The following ELAPOR1 variants were observed in gnomAD, a reference collection of about 807,000 sequenced individuals.
ELAPOR1 encodes endosome/lysosome-associated apoptosis and autophagy regulator 1.
In ELAPOR1, 77 loss-of-function variants were observed where a neutral mutation model predicts 119.7. The ratio of observed to expected loss-of-function variants is 0.64; its 90% CI spans 0.54 to 0.78. ELAPOR1 has a LOEUF of 0.78. Among genes scored for constraint, ELAPOR1 ranks in the 30% least tolerant of loss-of-function variants. The pLI is 0.00. For missense variants in ELAPOR1, 1,115 were observed against 1,270.4 expected (o/e 0.88, Z 1.86); for synonymous variants, 481 against 487.2 (o/e 0.99, Z 0.17).
chr1:109,144,059 A>ATTTTTTTTTT (rs1243626258), intron 1 of ELAPOR1, among the ~76,000 whole-genome samples: 4 of 34,426 alleles, frequency 1.2e-4, no homozygotes, highest in African/African-American at 1.5e-4. Flanking sequence ...ATATATTTAT[A>ATTTTTTTTTT]TATTTTTTTT....
At chr1:109,129,781 T>G (rs1378208899) in intron 1 of ELAPOR1, among the ~76,000 whole-genome samples, 1 of 152,214 alleles carries the variant, frequency 6.6e-6, no homozygotes, top group East Asian at 1.9e-4. Flanking sequence ...CCTATTTAAT[T>G]TGAAGGACCA....
chr1:109,138,359 T>A (rs911638063), intron 1 of ELAPOR1, among the ~76,000 whole-genome samples: 1 of 152,108 alleles, frequency 6.6e-6, no homozygotes, highest in East Asian at 1.9e-4. Context: ...TTCACAAACG[T>A]GATACAGATA....
intron 21 of ELAPOR1, among the ~76,000 whole-genome samples, 189 bp downstream of exon 21, chr1:109,201,089 C>T (rs538700157): frequency 2.6e-4 from 39 of 152,326 alleles, no homozygotes; most frequent in African/African-American, 9.4e-4. Flanking sequence ...CTCTTTCCCC[C>T]GGGGCCCAAG....
chr1:109,143,631 T>C (rs1649967281), intron 1 of ELAPOR1, among the ~76,000 whole-genome samples: 1 of 152,216 alleles, frequency 6.6e-6, no homozygotes, highest in South Asian at 2.1e-4. Context: ...TATCTCAATT[T>C]TTAAATAAAT....
rs771227144 is a variant in ELAPOR1, at chr1:109,200,850, T to C, written c.2923T>C (p.Phe975Leu). The C allele has an allele frequency of 6.2e-7, 1 of 1,614,214 alleles. No individual in the cohort carries two copies. Among genetic ancestry groups the C allele is most frequent in the Non-Finnish European group, 8.5e-7 (1 of 1,180,040 alleles). Reference protein sequence around the residue: ...EGEDVEDDLIFTSKKSLFGKI... With the variant: ...EGEDVEDDLILTSKKSLFGKI... ...CGAGGATGTAGAGGACGACCTCATC[T>C]TTACCAGCAAGAAGTCACTCTTTGG... Residue 975 changes from phenylalanine to leucine, a missense_variant, in exon 21 of 22, where the codon TTT becomes CTT. Transcript: ENST00000369939.
At chr1:109,133,601 A>G (rs1004326791) in intron 1 of ELAPOR1, among the ~76,000 whole-genome samples, 3 of 152,348 alleles carry the variant, frequency 2.0e-5, no homozygotes, top group South Asian at 2.1e-4. Context: ...TATGGGATCA[A>G]TGATTATTAT....
intron 1 of ELAPOR1, among the ~76,000 whole-genome samples, chr1:109,161,359 A>G (rs1332592946): frequency 3.3e-5 from 5 of 151,016 alleles, no homozygotes; most frequent in African/African-American, 1.2e-4. Context: ...ACGGTGAGCC[A>G]AGATCATCCC....
At chr1:109,166,017 G>A (rs541137483) in intron 3 of ELAPOR1, among the ~76,000 whole-genome samples, 3 of 151,998 alleles carry the variant, frequency 2.0e-5, no homozygotes, top group South Asian at 2.1e-4. Flanking sequence ...CCGGGTTGAC[G>A]CCATTCTCCT....
intron 13 of ELAPOR1, 145 bp from the exon 14 acceptor site, chr1:109,192,462 GGTAA>G (rs1653498510): frequency 3.7e-6 from 3 of 810,886 alleles, no homozygotes; most frequent in Non-Finnish European, 6.0e-6. Context: ...AAGAGCTACT[GGTAA>G]GTGAGTAAAA....
At chr1:109,179,253 T>C (rs1336716060) in intron 7 of ELAPOR1, among the ~76,000 whole-genome samples, 1 of 151,090 alleles carries the variant, frequency 6.6e-6, no homozygotes, top group African/African-American at 2.4e-5. Context: ...ATTCAAAAAA[T>C]TGGCCGGGCA....
At chr1:109,190,478 A>C (rs1267321796) in intron 11 of ELAPOR1, among the ~76,000 whole-genome samples, 2 of 152,210 alleles carry the variant, frequency 1.3e-5, no homozygotes, top group African/African-American at 4.8e-5. Flanking sequence ...TGTGCTCTAA[A>C]GATAAGAAGC....
intron 8 of ELAPOR1, chr1:109,186,892 A>G (rs778612600): frequency 1.0e-5 from 10 of 985,332 alleles, no homozygotes; most frequent in African/African-American, 1.7e-5. Flanking sequence ...GGGCCTTTAG[A>G]TGCTGGGTCA....
At chr1:109,114,831 GGAT>G (rs1647883399) in intron 1 of ELAPOR1, among the ~76,000 whole-genome samples, 1 of 152,120 alleles carries the variant, frequency 6.6e-6, no homozygotes, top group African/African-American at 2.4e-5. Flanking sequence ...TGTGCGAGAG[GGAT>G]GATAGGATTC....
intron 2 of ELAPOR1, among the ~76,000 whole-genome samples, chr1:109,162,645 A>G (rs965041630): frequency 5.9e-5 from 9 of 152,256 alleles, no homozygotes; most frequent in African/African-American, 2.2e-4. Flanking sequence ...AAGAAAAACC[A>G]GGCACTAGAT....
chr1:109,199,752 G>A, intron 18 of ELAPOR1, 102 bp from the exon 19 acceptor site: 1 of 1,375,114 alleles, frequency 7.3e-7, no homozygotes, highest in Non-Finnish European at 1.0e-6. Flanking sequence ...GTTTGGGCAG[G>A]GAGAGGGTAA....
At chr1:109,173,404 A>C in intron 5 of ELAPOR1, 70 bp from the exon 6 acceptor site, 12 of 1,276,348 alleles carry the variant, frequency 9.4e-6, no homozygotes, top group South Asian at 1.2e-5. Context: ...CATCCCAACA[A>C]GAGGCTATAC....
At chr1:109,176,106 A>G (rs1015941826) in intron 7 of ELAPOR1, among the ~76,000 whole-genome samples, 4 of 152,146 alleles carry the variant, frequency 2.6e-5, no homozygotes, top group Non-Finnish European at 4.4e-5. Context: ...AGGGAAAGTA[A>G]GGGGACAGCA....
At chr1:109,200,568 G>A (rs1255068344) in intron 20 of ELAPOR1, among the ~76,000 whole-genome samples, 167 bp from the exon 21 acceptor site, 5 of 152,170 alleles carry the variant, frequency 3.3e-5, no homozygotes, top group Non-Finnish European at 5.9e-5. Context: ...ACTGAACTGG[G>A]AACTAAGATT....
intron 1 of ELAPOR1, among the ~76,000 whole-genome samples, chr1:109,152,646 T>C (rs1650602765): frequency 1.3e-5 from 2 of 151,952 alleles, no homozygotes. Flanking sequence ...ATTTTACCTT[T>C]TAAAAAAGGA....
Sources: allele counts gnomAD v4.1 joint callset (sites outside exome capture counted in the v4.1 genomes callset), GRCh38; gene constraint gnomAD v4.1.1; transcripts MANE v1.5; gene names NCBI Gene and HGNC (gene_info 2026-07-23, HGNC 2026-07-21).